Variants in PARD3B observed in about 807,000 individuals in gnomAD.
PARD3B encodes the protein par-3 family cell polarity regulator beta, also known as partitioning defective 3 homolog B.
PARD3B carries 103 observed loss-of-function variants against 130.2 expected under a neutral mutation model. That is an observed-to-expected ratio of 0.79 (90% confidence interval 0.67 to 0.93). The LOEUF (loss-of-function observed/expected upper bound fraction) is 0.93, where lower values mean the gene tolerates loss of function less well. Among genes scored for constraint, PARD3B ranks in the 40% least tolerant of loss-of-function variants. The pLI is 0.00. For synonymous variants in PARD3B, 583 were observed against 553.2 expected, an observed-to-expected ratio of 1.05 and a Z score of -0.76; for missense variants, 1,609 against 1,499.2, an observed-to-expected ratio of 1.07 and a Z score of -1.21.
intron 2 of PARD3B, among the ~76,000 whole-genome samples, chr2:204,851,357 A>C (rs1045221959): frequency 1.3e-5 from 2 of 152,180 alleles, no homozygotes; most frequent in African/African-American, 4.8e-5. Flanking sequence ...ATGCTAACCA[A>C]AGTGACTTTC....
intron 3 of PARD3B, among the ~76,000 whole-genome samples, chr2:205,014,430 G>A (rs1210049050): frequency 1.3e-5 from 2 of 152,174 alleles, no homozygotes; most frequent in Admixed American, 6.5e-5. Flanking sequence ...AAGGAGAACT[G>A]CAGCCAAGGG....
In PARD3B at chr2:205,230,867, C is replaced by T. The variant is rs560144761; in HGVS notation, c.2141-14911C>T. On this transcript the variant is annotated intron_variant, in intron 15 of 22. Transcript: ENST00000406610. The surrounding 1 kb of genome is among the most constrained non-coding windows in gnomAD (Gnocchi z 4.1). Reference sequence around the variant, plus strand: ...CTGGTCTGAGTGCTCCCTCCATGGACTCTGGCTGTGTTCTGCCTGGTGTTG... The same window carrying T: ...CTGGTCTGAGTGCTCCCTCCATGGATTCTGGCTGTGTTCTGCCTGGTGTTG... 2.2e-4 allele frequency among the ~76,000 whole-genome samples: 34 copies of T among 152,178 alleles called. 1 individual carries two copies. Among genetic ancestry groups the T allele is most frequent in the African/African-American group, 8.2e-4 (34 of 41,522 alleles).
rs1366758540 is a variant in PARD3B, at chr2:204,906,684, C to T, written c.223-58468C>T. Among the ~76,000 whole-genome samples the T allele has an allele frequency of 6.6e-6, 1 of 152,152 alleles. No homozygotes were observed. The highest frequency in any genetic ancestry group is 2.4e-5 in the African/African-American group (1 of 41,440). ...CTAATATTTGTAAAAAGAGTGAGTT[C>T]AAAATTTGTTTTTACATTTAGCCTG... On this transcript the variant is annotated intron_variant, in intron 2 of 22. Coordinates refer to ENST00000406610, the MANE Select transcript of PARD3B (RefSeq NM_001302769.2). This position sits in a 1 kb window ranked among gnomAD's most constrained non-coding sequence, Gnocchi z 4.3.
chr2:205,052,419 G>GTGTATATATATATATATATATA (rs1467760914), intron 4 of PARD3B, among the ~76,000 whole-genome samples: 1 of 39,764 alleles, frequency 2.5e-5, no homozygotes, highest in African/African-American at 9.3e-5. Context: ...ATATATATAT[G>GTGTATATATATATATATATATA]TATATATATA....
At chr2:204,642,677 G>T (rs1034193581) in intron 1 of PARD3B, among the ~76,000 whole-genome samples, 3 of 151,986 alleles carry the variant, frequency 2.0e-5, no homozygotes, top group African/African-American at 7.3e-5. Context: ...ATATGGTTTG[G>T]CACTGTGTTC....
intron 1 of PARD3B, among the ~76,000 whole-genome samples, chr2:204,553,049 C>A (rs1342081278): frequency 6.6e-6 from 1 of 151,792 alleles, no homozygotes; most frequent in East Asian, 1.9e-4. Context: ...TGAACTCAAA[C>A]AAATTAGCAA....
At position 205,309,031 on chromosome 2, in the gene PARD3B, T is replaced by A. The variant is rs1206549515; in HGVS notation, c.2630+7330T>A. Among the ~76,000 whole-genome samples, 1 of 152,244 alleles carries A rather than the reference T, an allele frequency of 6.6e-6. No individual in the cohort carries two copies. Among genetic ancestry groups the A allele is most frequent in the Non-Finnish European group, 1.5e-5 (1 of 68,044 alleles). On this transcript the variant is annotated intron_variant, in intron 18 of 22. Transcript: ENST00000406610. This position sits in a 1 kb window ranked among gnomAD's most constrained non-coding sequence, Gnocchi z 4.7. The stretch of plus-strand genomic sequence containing the variant: ...GATACGTTATCAGAATTTAGCACAC[T>A]ATGGTACTAAAGCCAAATCACTTTA...
chr2:205,007,219 C>T (rs766224335), intron 3 of PARD3B, among the ~76,000 whole-genome samples: 9 of 152,110 alleles, frequency 5.9e-5, no homozygotes, highest in Non-Finnish European at 1.3e-4. Flanking sequence ...CACCTTCCAC[C>T]GTGATTGTAA....
intron 22 of PARD3B, among the ~76,000 whole-genome samples, chr2:205,554,290 C>T (rs1479622809): frequency 6.6e-6 from 1 of 152,140 alleles, no homozygotes; most frequent in Non-Finnish European, 1.5e-5. Flanking sequence ...AGTGCCAACT[C>T]AGAGATGGAG....
At chr2:205,390,117 CATTA>C (rs1040843254) in intron 18 of PARD3B, among the ~76,000 whole-genome samples, 13 of 150,030 alleles carry the variant, frequency 8.7e-5, no homozygotes, top group African/African-American at 2.2e-4. Context: ...CTCTACCATG[CATTA>C]ATTATTTTTC....
At position 205,550,414 on chromosome 2, in the gene PARD3B, A is replaced by T. The variant is rs1258245739; in HGVS notation, c.3181-2910A>T. 6.6e-6 allele frequency among the ~76,000 whole-genome samples: 1 copy of T among 152,174 alleles called. No homozygotes were observed. The highest frequency in any genetic ancestry group is 1.5e-5 in the Non-Finnish European group (1 of 68,028). Reference sequence around the variant, plus strand: ...AATACAGTGAATGACTGCATTAATGATGTTGCAGTATCAATGGAGAAACAT... The same window carrying T: ...AATACAGTGAATGACTGCATTAATGTTGTTGCAGTATCAATGGAGAAACAT... On this transcript the variant is annotated intron_variant, in intron 21 of 22. Transcript: ENST00000406610. This position sits in a 1 kb window ranked among gnomAD's most constrained non-coding sequence, Gnocchi z 4.5.
At chr2:204,902,214 T>G (rs956614883) in intron 2 of PARD3B, among the ~76,000 whole-genome samples, 1 of 152,200 alleles carries the variant, frequency 6.6e-6, no homozygotes, top group African/African-American at 2.4e-5. Flanking sequence ...TTTAAGGAGC[T>G]GTTGGAAATT....
chr2:205,059,270 A>T (rs75022815), intron 4 of PARD3B, among the ~76,000 whole-genome samples: 3,302 of 152,106 alleles, frequency 0.022, 110 homozygotes, highest in African/African-American at 0.075. Context: ...TCAGTCCTTG[A>T]TGTGGCTTTT....
intron 2 of PARD3B, among the ~76,000 whole-genome samples, chr2:204,736,101 A>G (rs1195006098): frequency 2.0e-5 from 3 of 151,916 alleles, no homozygotes; most frequent in Non-Finnish European, 4.4e-5. Context: ...CCTCTTTTCT[A>G]TCAAGTCCTC....
At chr2:204,971,948 G>C (rs1355288872) in intron 3 of PARD3B, among the ~76,000 whole-genome samples, 1 of 149,692 alleles carries the variant, frequency 6.7e-6, no homozygotes, top group Non-Finnish European at 1.5e-5. Context: ...GAGCCACCAC[G>C]CCTTGGCTGT....
chr2:205,124,384 G>T lies in PARD3B; in HGVS notation c.1223G>T (p.Gly408Val). 4 of 1,601,172 alleles carry T rather than the reference G, an allele frequency of 2.5e-6. No homozygotes were observed. The highest frequency in any genetic ancestry group is 3.4e-6 in the Non-Finnish European group (4 of 1,172,928). ...VTRDSSIHGPGPIFVKNILPK... is the reference protein window; with the variant it reads ...VTRDSSIHGPVPIFVKNILPK... Reference sequence around the variant, plus strand: ...AGAGACTCTTCCATACATGGTCCCGGTCCCATTTTTGTAAAAAACATTTTA... The same window carrying T: ...AGAGACTCTTCCATACATGGTCCCGTTCCCATTTTTGTAAAAAACATTTTA... The change falls in exon 9 of 23, where the codon GGT becomes GTT. Residue 408 changes from glycine to valine, a missense_variant. Transcript: ENST00000406610.
intron 2 of PARD3B, among the ~76,000 whole-genome samples, chr2:204,959,580 T>G (rs1690567682): frequency 6.6e-6 from 1 of 152,204 alleles, no homozygotes. Flanking sequence ...GTAGAACTAA[T>G]TTACACTCCC....
chr2:205,461,762 A>G lies in PARD3B; in HGVS notation c.3044+21090A>G, dbSNP rs6713900. 2.5e-3 allele frequency among the ~76,000 whole-genome samples: 380 copies of G among 152,246 alleles called. 1 individual carries two copies. The highest frequency in any genetic ancestry group is 8.6e-3 in the African/African-American group (356 of 41,556). On this transcript the variant is annotated intron_variant, in intron 20 of 22. Coordinates refer to ENST00000406610, the MANE Select transcript of PARD3B (RefSeq NM_001302769.2). This position sits in a 1 kb window ranked among gnomAD's most constrained non-coding sequence, Gnocchi z 4.3. ...TTCAATAGGTCTGGGGTGGGACCCT[A>G]CAATTTGCATTTCTAACAAGCTGCC... is the stretch of plus-strand genomic sequence containing the variant.
chr2:204,882,253 T>C (rs1183953165), intron 2 of PARD3B, among the ~76,000 whole-genome samples: 1 of 152,224 alleles, frequency 6.6e-6, no homozygotes, highest in African/African-American at 2.4e-5. Flanking sequence ...TACAAATCCA[T>C]TGAGAAACCT....
Sources: gnomAD v4.1 joint callset for allele counts (sites outside exome capture counted in the v4.1 genomes callset) on GRCh38, gnomAD v4.1.1 for gene constraint, Gnocchi (gnomAD v3.1) non-coding constraint, MANE v1.5 for transcripts, NCBI Gene and HGNC (gene_info 2026-07-23, HGNC 2026-07-21) for gene names.